Variants in PRKAG2 observed in about 807,000 individuals in gnomAD.
PRKAG2 encodes protein kinase AMP-activated non-catalytic subunit gamma 2.
A neutral mutation model predicts 69.6 loss-of-function variants in PRKAG2; 26 were observed. That is an observed-to-expected ratio of 0.37 (90% CI 0.27 to 0.52). The LOEUF (loss-of-function observed/expected upper bound fraction) is 0.52, where lower values mean the gene tolerates loss of function less well. PRKAG2 is among the 20% of genes least tolerant of loss of function. PRKAG2 has a pLI of 0.90. For synonymous variants in PRKAG2, 293 were observed against 285.0 expected (o/e 1.03, Z -0.28); for missense variants, 557 against 740.0 (o/e 0.75, Z 2.87).
chr7:151,561,466 A>G lies in PRKAG2; in HGVS notation c.1585-849T>C, dbSNP rs117862888. ...AGTGTCTTTTCTCTGTGAAGTTCAT[A>G]TATTAAGAATCGCATCCAAGAGGAT... On this transcript the variant is annotated intron_variant, in intron 14 of 15. Transcript: ENST00000287878. Among the ~76,000 whole-genome samples the G allele has an allele frequency of 1.4e-3, 211 of 152,342 alleles. 4 individuals carry two copies. The East Asian group carries it at 0.039, about 28-fold the overall frequency.
chr7:151,645,524 T>C (rs1343048929), intron 4 of PRKAG2, among the ~76,000 whole-genome samples: 1 of 152,216 alleles, frequency 6.6e-6, no homozygotes, highest in Non-Finnish European at 1.5e-5. Flanking sequence ...AATCAATGCA[T>C]GATTTCAGCC....
At chr7:151,737,661 G>A (rs867177571) in intron 3 of PRKAG2, among the ~76,000 whole-genome samples, 2 of 152,174 alleles carry the variant, frequency 1.3e-5, no homozygotes, top group African/African-American at 4.8e-5. Flanking sequence ...GGAACCACAG[G>A]TCCAGCCTCC....
intron 4 of PRKAG2, among the ~76,000 whole-genome samples, chr7:151,646,901 G>A (rs1054139544): frequency 1.3e-5 from 2 of 152,176 alleles, no homozygotes; most frequent in African/African-American, 2.4e-5. Context: ...CAGCTGGAGC[G>A]GGTACTCATG....
At chr7:151,605,963 C>T (rs1817475597) in intron 5 of PRKAG2, among the ~76,000 whole-genome samples, 2 of 147,764 alleles carry the variant, frequency 1.4e-5, no homozygotes, top group Non-Finnish European at 3.0e-5. Context: ...AAAAGAATTG[C>T]TTCAACCCAG....
At chr7:151,639,887 G>A (rs114606861) in intron 4 of PRKAG2, among the ~76,000 whole-genome samples, 79 of 151,874 alleles carry the variant, frequency 5.2e-4, no homozygotes, top group African/African-American at 1.8e-3. Flanking sequence ...CCATCTATCA[G>A]TCAGTCAATC....
chr7:151,755,976 A>C (rs1186593254), intron 3 of PRKAG2, among the ~76,000 whole-genome samples: 1 of 152,180 alleles, frequency 6.6e-6, no homozygotes, highest in Non-Finnish European at 1.5e-5. Flanking sequence ...CCCAGGTGGA[A>C]GTGGAGAAAA....
intron 1 of PRKAG2, among the ~76,000 whole-genome samples, chr7:151,840,687 C>T (rs1244874245): frequency 6.6e-6 from 1 of 152,194 alleles, no homozygotes; most frequent in African/African-American, 2.4e-5. Flanking sequence ...AACATGAACC[C>T]CCCGGACCTC....
At chr7:151,630,225 T>C (rs1300221042) in intron 5 of PRKAG2, among the ~76,000 whole-genome samples, 1 of 151,256 alleles carries the variant, frequency 6.6e-6, no homozygotes, top group African/African-American at 2.4e-5. Flanking sequence ...GCAGACACAA[T>C]GAAAAGAAAA....
At chr7:151,684,467 T>G (rs56020328) in intron 3 of PRKAG2, among the ~76,000 whole-genome samples, 5,321 of 152,236 alleles carry the variant, frequency 0.035, 231 homozygotes, top group East Asian at 0.24. Flanking sequence ...CTTCATTCTT[T>G]GAACATCTGA....
intron 1 of PRKAG2, among the ~76,000 whole-genome samples, chr7:151,818,239 T>C (rs1298855611): frequency 6.6e-6 from 1 of 152,176 alleles, no homozygotes; most frequent in South Asian, 2.1e-4. Flanking sequence ...GCCTGAGCTG[T>C]GTAAGTGGCC....
chr7:151,825,527 C>T (rs1312469627), intron 1 of PRKAG2, among the ~76,000 whole-genome samples: 1 of 152,228 alleles, frequency 6.6e-6, no homozygotes, highest in Non-Finnish European at 1.5e-5. Context: ...GCACTGGCCG[C>T]TCCCCATGCA....
intron 1 of PRKAG2, among the ~76,000 whole-genome samples, chr7:151,789,553 C>G (rs1563678192): frequency 6.8e-6 from 1 of 147,460 alleles, no homozygotes; most frequent in African/African-American, 2.7e-5. Context: ...CTCATCACGT[C>G]AGCCCCCTGC....
chr7:151,621,917 A>G (rs1347735590), intron 5 of PRKAG2, among the ~76,000 whole-genome samples: 2 of 152,196 alleles, frequency 1.3e-5, no homozygotes, highest in African/African-American at 4.8e-5. Flanking sequence ...CTCTGCATTT[A>G]TAGTTAAGAA....
In PRKAG2 at chr7:151,867,658, C is replaced by A. The variant is rs77547981; in HGVS notation, c.114+8849G>T. ...GGGTGCAGAGGGTGTGGGACTTCGA[C>A]CTTTTTTTTGGAGAATCCAATTCCA... On this transcript the variant is annotated intron_variant, in intron 1 of 15. Transcript: ENST00000287878. Among the ~76,000 whole-genome samples, 1,068 of 152,326 alleles carry A rather than the reference C, an allele frequency of 7.0e-3. 19 individuals are homozygous for A. Among genetic ancestry groups the A allele is most frequent in the African/African-American group, 0.024 (1,013 of 41,574 alleles).
At chr7:151,697,370 T>C (rs1414536323) in intron 3 of PRKAG2, among the ~76,000 whole-genome samples, 1 of 151,730 alleles carries the variant, frequency 6.6e-6, no homozygotes, top group Non-Finnish European at 1.5e-5. Flanking sequence ...GTACCATCAT[T>C]CCCCAGGGGT....
At chr7:151,646,227 T>C (rs1470866946) in intron 4 of PRKAG2, among the ~76,000 whole-genome samples, 1 of 152,320 alleles carries the variant, frequency 6.6e-6, no homozygotes, top group Non-Finnish European at 1.5e-5. Flanking sequence ...AAATAAAACC[T>C]ACTGGAATCT....
At chr7:151,637,724 A>G (rs541666719) in intron 4 of PRKAG2, among the ~76,000 whole-genome samples, 1,406 of 118,120 alleles carry the variant, frequency 0.012, 4 homozygotes, top group Non-Finnish European at 0.017. Context: ...TTTTTTTTTT[A>G]TAACACACTA....
chr7:151,618,102 G>A (rs978315487), intron 5 of PRKAG2, among the ~76,000 whole-genome samples: 5 of 152,172 alleles, frequency 3.3e-5, no homozygotes, highest in South Asian at 2.1e-4. Flanking sequence ...TGGGAGAATC[G>A]CTTGAGCTCA....
chr7:151,863,258 C>T (rs2079982054), intron 1 of PRKAG2, among the ~76,000 whole-genome samples: 2 of 151,674 alleles, frequency 1.3e-5, no homozygotes, highest in South Asian at 4.1e-4. Context: ...CTGGTAAGTC[C>T]CCGGGTACAG....
Sources: gnomAD v4.1 joint callset for allele counts (sites outside exome capture counted in the v4.1 genomes callset) on GRCh38, gnomAD v4.1.1 for gene constraint, MANE v1.5 for transcripts, NCBI Gene and HGNC (gene_info 2026-07-23, HGNC 2026-07-21) for gene names.